LHFPL3: variants seen among roughly 807,000 people sequenced by gnomAD.
LHFPL3 encodes the protein LHFPL tetraspan subfamily member 3 protein.
LHFPL3 carries 5 observed loss-of-function variants against 19.3 expected under a neutral mutation model. That is an observed-to-expected ratio of 0.26 (90% confidence interval 0.14 to 0.54). The LOEUF (loss-of-function observed/expected upper bound fraction) is 0.54, where lower values mean the gene tolerates loss of function less well. Among genes scored for constraint, LHFPL3 ranks in the 20% least tolerant of loss-of-function variants. LHFPL3 has a pLI of 0.94. For synonymous variants in LHFPL3, 133 were observed against 126.2 expected (o/e 1.05, Z -0.36); for missense variants, 249 against 307.4 (o/e 0.81, Z 1.42).
At chr7:104,456,757 C>T (rs550786011) in intron 1 of LHFPL3, among the ~76,000 whole-genome samples, 78 of 152,186 alleles carry the variant, frequency 5.1e-4, no homozygotes, top group Middle Eastern at 3.4e-3. Flanking sequence ...CTGTGATAGT[C>T]GATCTGATAA....
At position 104,786,304 on chromosome 7, in the gene LHFPL3, T is replaced by A. The variant is rs772913356; in HGVS notation, c.682+49393T>A. ...TGTGGCAATATTTAGAATTATAATC[T>A]TTAATTTTATCAAACTAGCATAATG... is the stretch of plus-strand genomic sequence containing the variant. On this transcript the variant is annotated intron_variant, in intron 2 of 2. Transcript: ENST00000424859. Among the ~76,000 whole-genome samples the A allele has an allele frequency of 3.9e-5, 6 of 152,348 alleles. No homozygotes were observed. The South Asian group carries it at 1.2e-3, about 32-fold the overall frequency.
chr7:104,736,561 T>TA, intron 1 of LHFPL3, 114 bp from the exon 2 acceptor site: 1 of 728,606 alleles, frequency 1.4e-6, no homozygotes, highest in Non-Finnish European at 2.3e-6. Flanking sequence ...TGCTGTTTTT[T>TA]AAATCAAGAA....
At chr7:104,512,948 C>T (rs1793848595) in intron 1 of LHFPL3, among the ~76,000 whole-genome samples, 1 of 152,138 alleles carries the variant, frequency 6.6e-6, no homozygotes, top group Non-Finnish European at 1.5e-5. Flanking sequence ...GCTCTTGGCC[C>T]TTCCTTAAGC....
chr7:104,343,760 T>G (rs1166232259), intron 1 of LHFPL3, among the ~76,000 whole-genome samples: 1 of 150,270 alleles, frequency 6.7e-6, no homozygotes, highest in Non-Finnish European at 1.5e-5. Context: ...GTTTACAAAA[T>G]CATACTAAAA....
At chr7:104,707,581 G>A (rs1793215597) in intron 1 of LHFPL3, among the ~76,000 whole-genome samples, 1 of 152,192 alleles carries the variant, frequency 6.6e-6, no homozygotes, top group Non-Finnish European at 1.5e-5. Context: ...GGACCACAAG[G>A]AGGATGTTTA....
At position 104,610,526 on chromosome 7, in the gene LHFPL3, C is replaced by T. The variant is rs867732368; in HGVS notation, c.446-126149C>T. Among the ~76,000 whole-genome samples the T allele has an allele frequency of 5.3e-5, 8 of 152,228 alleles. No individual in the cohort carries two copies. The Middle Eastern group carries it at 0.01, about 194-fold the overall frequency. On this transcript the variant is annotated intron_variant, in intron 1 of 2. Transcript: ENST00000424859. Reference sequence around the variant, plus strand: ...CCCAAGAGAGATGGTGATATAGTTCCTGTGTGGGTCCACAGGCTTGAGAAC... The same window carrying T: ...CCCAAGAGAGATGGTGATATAGTTCTTGTGTGGGTCCACAGGCTTGAGAAC...
chr7:104,424,152 T>C (rs1288310831), intron 1 of LHFPL3, among the ~76,000 whole-genome samples: 4 of 152,262 alleles, frequency 2.6e-5, no homozygotes, highest in Non-Finnish European at 4.4e-5. Flanking sequence ...TTTTTCATAT[T>C]AAGTTTCTTA....
At chr7:104,475,731 A>G (rs921787998) in intron 1 of LHFPL3, among the ~76,000 whole-genome samples, 7 of 152,206 alleles carry the variant, frequency 4.6e-5, no homozygotes, top group African/African-American at 1.7e-4. Flanking sequence ...AAAACCATTT[A>G]ACTTTGTTTA....
chr7:104,558,392 C>A (rs1365631146), intron 1 of LHFPL3, among the ~76,000 whole-genome samples: 1 of 143,940 alleles, frequency 6.9e-6, no homozygotes, highest in South Asian at 2.2e-4. Flanking sequence ...GAGATGGTAT[C>A]TCATTGTGGT....
In LHFPL3 at chr7:104,668,935, C is replaced by A. The variant is rs1562961961; in HGVS notation, c.446-67740C>A. The A allele has an allele frequency of 3.7e-6, 6 of 1,612,410 alleles. No homozygotes were observed. In the East Asian group the frequency reaches 1.3e-4, roughly 36 times the overall value. ...GCTGGATGGGCCAAAACTAGAACGA[C>A]GGCCTCGGGAGAGACACCCAAGCTG... On this transcript the variant is annotated intron_variant, in intron 1 of 2. Transcript: ENST00000424859.
rs201342185 is a variant in LHFPL3, at chr7:104,553,092, T to C, written c.446-183583T>C. Among the ~76,000 whole-genome samples, 3 of 152,338 alleles carry C rather than the reference T, an allele frequency of 2.0e-5. No homozygotes were observed. The East Asian group carries it at 5.8e-4, about 29-fold the overall frequency. ...ATGATTTTTTTATTATGTTTCTTTG[T>C]TGTAAGGTACTCTTCACACCTTCAG... On this transcript the variant is annotated intron_variant, in intron 1 of 2. Coordinates refer to ENST00000424859, the MANE Select transcript of LHFPL3 (RefSeq NM_199000.3).
intron 1 of LHFPL3, among the ~76,000 whole-genome samples, chr7:104,582,204 TTAATA>T (rs1790474053): frequency 6.6e-6 from 1 of 151,938 alleles, no homozygotes; most frequent in South Asian, 2.1e-4. Context: ...AAGTTCCTTT[TTAATA>T]TGTTTGTTTT....
chr7:104,833,060 T>G lies in LHFPL3; in HGVS notation c.683-73127T>G, dbSNP rs1479833590. Reference sequence around the variant, plus strand: ...ATATATATATTATATATATATTATATATAATATATATATTATATATATCTA... The same window carrying G: ...ATATATATATTATATATATATTATAGATAATATATATATTATATATATCTA... On this transcript the variant is annotated intron_variant, in intron 2 of 2. Transcript: ENST00000424859. 6.7e-4 allele frequency among the ~76,000 whole-genome samples: 74 copies of G among 110,824 alleles called. 5 individuals are homozygous for G. Among genetic ancestry groups the G allele is most frequent in the African/African-American group, 2.5e-3 (69 of 27,070 alleles). The allele number at this position is 110,824 out of a possible 152,430, so 72.7% of individuals were successfully genotyped here.
chr7:104,816,649 A>C (rs1183840004), intron 2 of LHFPL3, among the ~76,000 whole-genome samples: 2 of 152,122 alleles, frequency 1.3e-5, no homozygotes, highest in Non-Finnish European at 2.9e-5. Context: ...TTTGGGAGCA[A>C]CTCACTTTTA....
chr7:104,467,201 A>G (rs1008411193), intron 1 of LHFPL3, among the ~76,000 whole-genome samples: 2 of 152,186 alleles, frequency 1.3e-5, no homozygotes, highest in Non-Finnish European at 2.9e-5. Flanking sequence ...ATTCAATGTA[A>G]AAAATGGGAG....
intron 1 of LHFPL3, among the ~76,000 whole-genome samples, chr7:104,587,476 T>C (rs1309023709): frequency 3.3e-5 from 5 of 152,230 alleles, no homozygotes; most frequent in Non-Finnish European, 5.9e-5. Flanking sequence ...TGCATAGTAT[T>C]CCATGGTGTA....
rs985037029 is a variant in LHFPL3, at chr7:104,388,961, G to A, written c.445+59737G>A. Among the ~76,000 whole-genome samples, 37 of 152,192 alleles carry A rather than the reference G, an allele frequency of 2.4e-4. 1 individual carries two copies. The South Asian group carries it at 3.3e-3, about 14-fold the overall frequency. On this transcript the variant is annotated intron_variant, in intron 1 of 2. Coordinates refer to ENST00000424859, the MANE Select transcript of LHFPL3 (RefSeq NM_199000.3). ...AGACAATACTTTCCTCTTAAGATCA[G>A]AAACAAGAATGTCTGCTTCAATTAC... is the stretch of plus-strand genomic sequence containing the variant.
chr7:104,553,363 C>T (rs1794696912), intron 1 of LHFPL3, among the ~76,000 whole-genome samples: 1 of 152,162 alleles, frequency 6.6e-6, no homozygotes, highest in South Asian at 2.1e-4. Context: ...TGCTTTACCA[C>T]CTTTCCATTT....
intron 1 of LHFPL3, among the ~76,000 whole-genome samples, chr7:104,426,595 A>G (rs2116546005): frequency 6.6e-6 from 1 of 152,234 alleles, no homozygotes; most frequent in East Asian, 1.9e-4. Context: ...TGAAGCTCTT[A>G]AAATAAATGA....
Sources: allele counts gnomAD v4.1 joint callset (sites outside exome capture counted in the v4.1 genomes callset), GRCh38; gene constraint gnomAD v4.1.1; transcripts MANE v1.5; gene names NCBI Gene and HGNC (gene_info 2026-07-23, HGNC 2026-07-21).